PPM1E: variants seen among roughly 807,000 people sequenced by gnomAD.
The protein encoded by PPM1E is protein phosphatase, Mg2+/Mn2+ dependent 1E, also known as protein phosphatase 1E.
A neutral mutation model predicts 65.9 loss-of-function variants in PPM1E; 20 were observed. The ratio of observed to expected loss-of-function variants is 0.30; its 90% CI spans 0.21 to 0.44. The LOEUF (loss-of-function observed/expected upper bound fraction) is 0.44, where lower values mean the gene tolerates loss of function less well. Among genes scored for constraint, PPM1E ranks in the 20% least tolerant of loss-of-function variants. The pLI, the probability that PPM1E is intolerant of heterozygous loss-of-function variation, is 1.00. For missense variants in PPM1E, 713 were observed against 953.1 expected (o/e 0.75, Z 3.32); for synonymous variants, 352 against 374.9 (o/e 0.94, Z 0.70).
In PPM1E at chr17:58,756,249, C is replaced by G. The variant is rs2049761800; in HGVS notation, c.252C>G (p.Asp84Glu). The change falls in exon 1 of 7, where the codon GAC (aspartate) becomes GAG (glutamate). Residue 84 changes from aspartate (D) to glutamate (E), a missense_variant. Transcript: ENST00000308249. Reference protein sequence around the residue: ...AATEEGDQEQDPEPEEEAAVE... With the variant: ...AATEEGDQEQEPEPEEEAAVE... Reference sequence around the variant, plus strand: ...CGGAGGAGGGGGACCAGGAGCAAGACCCGGAGCCCGAGGAGGAGGCGGCGG... The same window carrying G: ...CGGAGGAGGGGGACCAGGAGCAAGAGCCGGAGCCCGAGGAGGAGGCGGCGG... 2 of 1,550,884 alleles carry G rather than the reference C, an allele frequency of 1.3e-6. No homozygotes were observed. Among genetic ancestry groups the G allele is most frequent in the African/African-American group, 2.7e-5 (2 of 73,122 alleles).
rs1374001516 is a variant in PPM1E, at chr17:58,982,504, CAT to C, written c.*1474_*1475del. On this transcript the variant is annotated 3_prime_UTR_variant, in exon 7 of 7. Transcript: ENST00000308249. ...CGCTAAGAAGTGTCCCCCGCCTAAT[CAT>C]GTGTTTATAGGATAGTACACGTTCC... 1.8e-5 allele frequency: 3 copies of C among 165,588 alleles called. No homozygotes were observed. Among genetic ancestry groups the C allele is most frequent in the Non-Finnish European group, 2.6e-5 (2 of 76,360 alleles). The allele number at this position is 165,588 out of a possible 1,614,324, so 10.3% of individuals were successfully genotyped here. A position where few individuals can be genotyped will look rare whatever the true frequency, so the allele number is the denominator to read the frequency against.
At chr17:58,756,552 T>C (rs1236526177) in intron 1 of PPM1E, 91 bp downstream of exon 1, 2 of 1,221,398 alleles carry the variant, frequency 1.6e-6, no homozygotes, top group East Asian at 6.5e-5. Flanking sequence ...AACTGCTCTC[T>C]TTTCTGCTCC....
At chr17:58,791,505 T>A (rs1417563331) in intron 1 of PPM1E, among the ~76,000 whole-genome samples, 1 of 152,168 alleles carries the variant, frequency 6.6e-6, no homozygotes, top group Non-Finnish European at 1.5e-5. Context: ...CGAAGACCTT[T>A]TATTAGTGTC....
chr17:58,892,795 C>T (rs2051364347), intron 1 of PPM1E, among the ~76,000 whole-genome samples: 1 of 152,174 alleles, frequency 6.6e-6, no homozygotes, highest in South Asian at 2.1e-4. Context: ...TGAACACACA[C>T]TTTACCAAAG....
At chr17:58,874,495 T>A (rs1380855032) in intron 1 of PPM1E, among the ~76,000 whole-genome samples, 3 of 152,216 alleles carry the variant, frequency 2.0e-5, no homozygotes, top group Non-Finnish European at 4.4e-5. Flanking sequence ...GTTACAGAAA[T>A]CTTCCCAGAT....
At chr17:58,924,690 A>G (rs1436310457) in intron 1 of PPM1E, among the ~76,000 whole-genome samples, 1 of 151,952 alleles carries the variant, frequency 6.6e-6, no homozygotes, top group Non-Finnish European at 1.5e-5. Context: ...TAAGCCCCAC[A>G]TGCATTAGCT....
At chr17:58,928,598 G>A (rs2051852983) in intron 1 of PPM1E, among the ~76,000 whole-genome samples, 1 of 151,992 alleles carries the variant, frequency 6.6e-6, no homozygotes, top group East Asian at 1.9e-4. Context: ...TGGCTGTTTT[G>A]TGTAAAACTA....
intron 2 of PPM1E, among the ~76,000 whole-genome samples, chr17:58,961,931 C>T (rs910450698): frequency 1.5e-4 from 23 of 152,266 alleles, no homozygotes; most frequent in African/African-American, 4.8e-4. Flanking sequence ...TCTCCCACCT[C>T]AGCCTCCCAA....
intron 1 of PPM1E, among the ~76,000 whole-genome samples, chr17:58,909,286 C>G (rs962921667): frequency 6.6e-6 from 1 of 152,150 alleles, no homozygotes; most frequent in Non-Finnish European, 1.5e-5. Flanking sequence ...GAGACAGGTT[C>G]TCACTCCATC....
rs1046666196 is a variant in PPM1E, at chr17:58,983,858, G to C, written c.*2827G>C. On this transcript the variant is annotated 3_prime_UTR_variant, in exon 7 of 7. Transcript: ENST00000308249. ...AAATCCAAACAAGAGTGTAATATTGGTTAGGGAAACAAACTTCAGGTCACC... is the reference window on the plus strand; with the variant it reads ...AAATCCAAACAAGAGTGTAATATTGCTTAGGGAAACAAACTTCAGGTCACC... The C allele has an allele frequency of 3.3e-5, 5 of 152,572 alleles. No individual in the cohort carries two copies. The highest frequency in any genetic ancestry group is 7.3e-5 in the Non-Finnish European group (5 of 68,030). The allele number at this position is 152,572 out of a possible 1,614,324, so 9.5% of individuals were successfully genotyped here.
At chr17:58,763,114 T>C (rs1484297228) in intron 1 of PPM1E, among the ~76,000 whole-genome samples, 2 of 152,132 alleles carry the variant, frequency 1.3e-5, no homozygotes, top group South Asian at 4.1e-4. Flanking sequence ...TACTGACTGC[T>C]CTAATGGATA....
At chr17:58,757,828 A>AATTACAGT (rs1369560356) in intron 1 of PPM1E, among the ~76,000 whole-genome samples, 1 of 152,214 alleles carries the variant, frequency 6.6e-6, no homozygotes, top group African/African-American at 2.4e-5. Context: ...TATTACCGTC[A>AATTACAGT]ATTAGCAAGG....
rs1229467207 is a variant in PPM1E at position 58,837,101 on chromosome 17, G to A, written c.464+80640G>A. On this transcript the variant is annotated intron_variant, in intron 1 of 6. Transcript: ENST00000308249. ...CCACAAAAAATTTAAGATCAACTGGGTTTGTTGGCGCATGCCTGTAGTCTT... is the reference window on the plus strand; with the variant it reads ...CCACAAAAAATTTAAGATCAACTGGATTTGTTGGCGCATGCCTGTAGTCTT... Among the ~76,000 whole-genome samples the A allele has an allele frequency of 2.7e-5, 4 of 150,490 alleles. No homozygotes were observed. In the East Asian group the frequency reaches 7.9e-4, roughly 30 times the overall value.
At chr17:58,795,011 C>A (rs138763498) in intron 1 of PPM1E, among the ~76,000 whole-genome samples, 153 of 151,844 alleles carry the variant, frequency 1.0e-3, no homozygotes, top group Admixed American at 1.9e-3. Flanking sequence ...GCCTCAGCCT[C>A]CCAAGTAGCT....
intron 1 of PPM1E, among the ~76,000 whole-genome samples, chr17:58,931,080 AAAAAAAG>A (rs1428296136): frequency 9.0e-5 from 13 of 144,162 alleles, no homozygotes; most frequent in African/African-American, 3.3e-4. Context: ...AAAAAAAAAA[AAAAAAAG>A]AAAGAAAGAA....
intron 1 of PPM1E, among the ~76,000 whole-genome samples, chr17:58,778,289 G>A (rs550685317): frequency 1.6e-3 from 237 of 151,958 alleles, no homozygotes; most frequent in African/African-American, 5.4e-3. Flanking sequence ...TAGTAGAGAC[G>A]GGGTTTCACC....
intron 1 of PPM1E, among the ~76,000 whole-genome samples, chr17:58,774,040 T>C (rs1031462162): frequency 3.9e-5 from 6 of 151,958 alleles, no homozygotes; most frequent in African/African-American, 1.4e-4. Context: ...CACACGCCTG[T>C]AATCCCAGCT....
chr17:58,869,515 A>G (rs998251603), intron 1 of PPM1E, among the ~76,000 whole-genome samples: 1 of 152,126 alleles, frequency 6.6e-6, no homozygotes, highest in Non-Finnish European at 1.5e-5. Flanking sequence ...CTCTCTTGCC[A>G]TGTGATCTCT....
At chr17:58,772,329 G>A (rs1352532098) in intron 1 of PPM1E, among the ~76,000 whole-genome samples, 2 of 151,968 alleles carry the variant, frequency 1.3e-5, no homozygotes, top group Admixed American at 6.6e-5. Flanking sequence ...GGTGGCGTGC[G>A]CCTGTAGCCC....
Sources: allele counts gnomAD v4.1 joint callset (sites outside exome capture counted in the v4.1 genomes callset), GRCh38; gene constraint gnomAD v4.1.1; transcripts MANE v1.5; gene names NCBI Gene and HGNC (gene_info 2026-07-23, HGNC 2026-07-21).